Variants in AR observed in about 807,000 individuals in gnomAD.
AR encodes the protein dihydrotestosterone receptor.
In AR, 8 loss-of-function variants were observed where a neutral mutation model predicts 53.9. The observed-to-expected ratio is 0.15, with a 90% CI of 0.09 to 0.27. AR has a LOEUF of 0.27. Ranked by LOEUF, AR falls within the 10% of genes least tolerant of loss-of-function variation. The pLI is 1.00. For missense variants in AR, 639 were observed against 742.5 expected (o/e 0.86, Z 1.62); for synonymous variants, 359 against 316.4 (o/e 1.13, Z -1.43).
intron 1 of AR, among the ~76,000 whole-genome samples, chrX:67,613,612 A>G (rs1462660802): frequency 9.0e-6 from 1 of 111,207 alleles, no homozygotes; most frequent in Admixed American, 9.5e-5. Flanking sequence ...TACCCTCTCA[A>G]AAGCAACCTA....
At chrX:67,567,993 T>C (rs1025327761) in intron 1 of AR, among the ~76,000 whole-genome samples, 5 of 111,165 alleles carry the variant, frequency 4.5e-5, no homozygotes, top group African/African-American at 1.6e-4. Flanking sequence ...GTGGCATGCT[T>C]CTTCATTGAG....
At chrX:67,719,263 G>A (rs1362654165) in intron 5 of AR, among the ~76,000 whole-genome samples, 1 of 111,580 alleles carries the variant, frequency 9.0e-6, no homozygotes, top group Admixed American at 9.5e-5. Flanking sequence ...TCTGGGGCAG[G>A]CCTTGAAAAG....
chrX:67,668,323 A>G (rs1321335368), intron 2 of AR, among the ~76,000 whole-genome samples: 1 of 112,049 alleles, frequency 8.9e-6, no homozygotes, highest in East Asian at 2.8e-4. Context: ...GAAATGATCA[A>G]GTGCTTTTTG....
chrX:67,604,286 T>G (rs964917776), intron 1 of AR, among the ~76,000 whole-genome samples: 1 of 104,130 alleles, frequency 9.6e-6, no homozygotes, highest in African/African-American at 3.6e-5. Context: ...GTAGATTAGT[T>G]GAGGCCACTG....
chrX:67,665,332 C>T (rs1017005293), intron 2 of AR, among the ~76,000 whole-genome samples: 1 of 112,761 alleles, frequency 8.9e-6, no homozygotes, highest in Non-Finnish European at 1.9e-5. Flanking sequence ...GTACAGATCA[C>T]ATTCCTTGGG....
chrX:67,622,555 G>A (rs1468512932), intron 1 of AR, among the ~76,000 whole-genome samples: 1 of 111,724 alleles, frequency 9.0e-6, no homozygotes, highest in Non-Finnish European at 1.9e-5. Context: ...TCACCAATAG[G>A]GCTATAGCAA....
At chrX:67,607,392 A>T (rs913549340) in intron 1 of AR, among the ~76,000 whole-genome samples, 1 of 112,046 alleles carries the variant, frequency 8.9e-6, no homozygotes, top group Non-Finnish European at 1.9e-5. Flanking sequence ...CCCTGCTGCT[A>T]CTACATAAGT....
At chrX:67,692,981 T>C (rs1227108120) in intron 3 of AR, among the ~76,000 whole-genome samples, 1 of 112,770 alleles carries the variant, frequency 8.9e-6, no homozygotes, top group Admixed American at 9.3e-5. Context: ...TCTCTAACTG[T>C]AGTTCTTAAG....
At chrX:67,583,472 CTT>C (rs1306353607) in intron 1 of AR, among the ~76,000 whole-genome samples, 2 of 111,391 alleles carry the variant, frequency 1.8e-5, no homozygotes, top group African/African-American at 6.5e-5. Flanking sequence ...GGCTGCAAGA[CTT>C]GTGAGTGCTT....
chrX:67,550,737 C>G (rs1402098340), intron 1 of AR, among the ~76,000 whole-genome samples: 1 of 109,687 alleles, frequency 9.1e-6, no homozygotes, highest in Admixed American at 9.7e-5. Context: ...CCCTACCCCC[C>G]ACCTCCACCA....
intron 1 of AR, among the ~76,000 whole-genome samples, chrX:67,576,764 A>G (rs1255050599): frequency 9.0e-6 from 1 of 110,702 alleles, no homozygotes; most frequent in Non-Finnish European, 1.9e-5. Context: ...CCAGAGCAGG[A>G]TGGTTGCTGG....
At position 67,725,698 on chromosome X, in the gene AR, C is replaced by T. The variant is rs987512698; in HGVS notation, c.*1857C>T. ...TGGGCTCTGACATTGCCCATACTCA[C>T]TCAGATTCCCCACCTTTGTTGCTGC... On this transcript the variant is annotated 3_prime_UTR_variant, in exon 8 of 8. Coordinates refer to ENST00000374690, the MANE Select transcript of AR (RefSeq NM_000044.6). 6 of 174,064 alleles carry T rather than the reference C, an allele frequency of 3.4e-5. No individual in the cohort carries two copies. The Admixed American group carries it at 4.7e-4, about 14-fold the overall frequency. 14.3% of individuals were successfully genotyped at this position (174,064 alleles called of 1,213,427 possible).
chrX:67,591,477 TGG>T (rs932231311), intron 1 of AR, among the ~76,000 whole-genome samples: 1 of 111,789 alleles, frequency 8.9e-6, no homozygotes, highest in African/African-American at 3.3e-5. Context: ...GCAGCAGGCT[TGG>T]TTCCCTTCTC....
At chrX:67,704,005 A>G (rs1408703858) in intron 3 of AR, among the ~76,000 whole-genome samples, 2 of 112,100 alleles carry the variant, frequency 1.8e-5, no homozygotes, top group African/African-American at 6.5e-5. Context: ...ATAGTATTCC[A>G]TGGTGTATAT....
chrX:67,682,412 G>A (rs1310650538), intron 2 of AR, among the ~76,000 whole-genome samples: 1 of 110,565 alleles, frequency 9.0e-6, no homozygotes, highest in Non-Finnish European at 1.9e-5. Context: ...AGCCTCCTGA[G>A]TAGCTGGGAG....
At chrX:67,600,165 G>T (rs1923287204) in intron 1 of AR, among the ~76,000 whole-genome samples, 1 of 111,413 alleles carries the variant, frequency 9.0e-6, no homozygotes. Flanking sequence ...ACATGGAAAG[G>T]AGTTGGCTAA....
At chrX:67,639,333 G>GT (rs1310849563) in intron 1 of AR, among the ~76,000 whole-genome samples, 1 of 111,943 alleles carries the variant, frequency 8.9e-6, no homozygotes, top group Non-Finnish European at 1.9e-5. Flanking sequence ...ATTTAAAGTA[G>GT]TTTTTTTATA....
chrX:67,681,515 A>G (rs2075933900), intron 2 of AR, among the ~76,000 whole-genome samples: 1 of 112,228 alleles, frequency 8.9e-6, no homozygotes, highest in Non-Finnish European at 1.9e-5. Context: ...CACTAACACC[A>G]ACTTGCTGTG....
At chrX:67,629,636 C>G (rs1162424500) in intron 1 of AR, among the ~76,000 whole-genome samples, 1 of 109,979 alleles carries the variant, frequency 9.1e-6, no homozygotes, top group African/African-American at 3.3e-5. Flanking sequence ...TCTCTATTTC[C>G]TTTAGTTCTG....
Sources: gnomAD v4.1 joint callset for allele counts (sites outside exome capture counted in the v4.1 genomes callset) on GRCh38, gnomAD v4.1.1 for gene constraint, MANE v1.5 for transcripts, NCBI Gene and HGNC (gene_info 2026-07-23, HGNC 2026-07-21) for gene names.